Variants in RNF17 observed in about 807,000 individuals in gnomAD.
RNF17 encodes spermatogenesis associated 23.
A neutral mutation model predicts 200.5 loss-of-function variants in RNF17; 31 were observed. The ratio of observed to expected loss-of-function variants is 0.15; its 90% CI spans 0.12 to 0.21. The LOEUF is 0.21. Among genes scored for constraint, RNF17 ranks in the 10% least tolerant of loss-of-function variants. RNF17 has a pLI of 1.00. For missense variants in RNF17, 1,628 were observed against 1,905.1 expected (o/e 0.85, Z 2.71); for synonymous variants, 606 against 637.8 (o/e 0.95, Z 0.75).
chr13:24,757,438 C>G, the RNF17 span, among the ~76,000 whole-genome samples: 1 of 152,026 alleles, frequency 6.6e-6, no homozygotes, highest in East Asian at 1.9e-4. Flanking sequence ...AGTCTCCTGC[C>G]TCAGCCTCCT....
At chr13:24,814,266 A>G (rs1887129143) in intron 15 of RNF17, among the ~76,000 whole-genome samples, 1 of 152,202 alleles carries the variant, frequency 6.6e-6, no homozygotes, top group African/African-American at 2.4e-5. Context: ...AAATTTGCAC[A>G]TAATTGGAAC....
At chr13:24,768,370 C>T (rs924534264) in intron 2 of RNF17, among the ~76,000 whole-genome samples, 5 of 151,092 alleles carry the variant, frequency 3.3e-5, no homozygotes, top group African/African-American at 1.2e-4. Context: ...CTGCAACCTC[C>T]GCCTCCCAGG....
At chr13:24,763,204 C>CT (rs11329776), upstream of RNF17, among the ~76,000 whole-genome samples, 2,212 of 129,144 alleles carry the variant, frequency 0.017, 63 homozygotes, top group African/African-American at 0.053. Context: ...TGCTTCAACT[C>CT]TTTTTTTTTT....
chr13:24,827,688 C>T lies in RNF17; in HGVS notation c.2245+1916C>T, dbSNP rs1042324351. ...CTGCACTCCAGCCTGGGCGACAGAG[C>T]GAGACTCCGTCTCAAAAAAAAAAAA... On this transcript the variant is annotated intron_variant, in intron 16 of 35. Coordinates refer to ENST00000255324, the MANE Select transcript of RNF17 (RefSeq NM_031277.3). Among the ~76,000 whole-genome samples the T allele has an allele frequency of 5.0e-4, 46 of 92,244 alleles. 1 individual carries two copies. Among genetic ancestry groups the T allele is most frequent in the Non-Finnish European group, 7.3e-4 (39 of 53,074 alleles). 60.5% of individuals were successfully genotyped at this position (92,244 alleles called of 152,430 possible).
intron 18 of RNF17, among the ~76,000 whole-genome samples, chr13:24,839,957 G>C (rs1890431465): frequency 6.6e-6 from 1 of 152,102 alleles, no homozygotes; most frequent in South Asian, 2.1e-4. Context: ...CCCACAGAGT[G>C]GGAGAAAATC....
intron 13 of RNF17, among the ~76,000 whole-genome samples, chr13:24,801,007 T>C (rs1342010808): frequency 1.3e-5 from 2 of 152,234 alleles, no homozygotes; most frequent in East Asian, 1.9e-4. Context: ...ACAAGGTCTA[T>C]GAGAGCAGAG....
chr13:24,865,639 G>A (rs1373263416), intron 29 of RNF17, among the ~76,000 whole-genome samples: 1 of 152,012 alleles, frequency 6.6e-6, no homozygotes, highest in Non-Finnish European at 1.5e-5. Context: ...ATTCATTTTG[G>A]TGGTAGTACA....
intron 30 of RNF17, among the ~76,000 whole-genome samples, chr13:24,867,869 G>A (rs937174511): frequency 6.7e-6 from 1 of 150,092 alleles, no homozygotes. Context: ...AGCATTTCAT[G>A]CATTATTTTA....
At chr13:24,761,041 G>C (rs1349279375), upstream of RNF17, among the ~76,000 whole-genome samples, 1 of 152,148 alleles carries the variant, frequency 6.6e-6, no homozygotes, top group Non-Finnish European at 1.5e-5. Context: ...AATTAGTACA[G>C]CCATTATGGG....
chr13:24,857,050 G>A (rs1892591214), intron 25 of RNF17, among the ~76,000 whole-genome samples: 1 of 152,152 alleles, frequency 6.6e-6, no homozygotes, highest in Non-Finnish European at 1.5e-5. Context: ...GAAAATACTG[G>A]TAGACCTTTT....
At chr13:24,828,531 C>G (rs1889007996) in intron 16 of RNF17, among the ~76,000 whole-genome samples, 1 of 151,176 alleles carries the variant, frequency 6.6e-6, no homozygotes, top group Admixed American at 6.6e-5. Context: ...GTTGACACTT[C>G]AGTTTTAGAT....
At chr13:24,823,455 T>A (rs1333737172) in intron 15 of RNF17, among the ~76,000 whole-genome samples, 1 of 152,214 alleles carries the variant, frequency 6.6e-6, no homozygotes, top group Non-Finnish European at 1.5e-5. Context: ...TTGTCATGTA[T>A]GATCACTGAA....
chr13:24,885,391 A>G, the RNF17 span: 1 of 1,590,786 alleles, frequency 6.3e-7, no homozygotes, highest in Non-Finnish European at 8.6e-7. Context: ...GGCAGCCTGT[A>G]AGCACAACAC....
At chr13:24,801,262 A>G (rs1885212634) in intron 13 of RNF17, among the ~76,000 whole-genome samples, 1 of 152,136 alleles carries the variant, frequency 6.6e-6, no homozygotes, top group Admixed American at 6.5e-5. Context: ...TCAGAAAGCT[A>G]TTCTCTTTTT....
intron 1 of RNF17, among the ~76,000 whole-genome samples, chr13:24,764,885 T>G (rs1170318529): frequency 2.0e-5 from 2 of 99,600 alleles, no homozygotes; most frequent in African/African-American, 8.7e-5. Context: ...GTGCACCTTG[T>G]GGGGTGTGTG....
chr13:24,876,919 T>C, intron 33 of RNF17, 78 bp from the exon 34 acceptor site: 1 of 1,180,274 alleles, frequency 8.5e-7, no homozygotes, highest in Non-Finnish European at 1.2e-6. Context: ...TATGAAGCGT[T>C]TCCCCTATGT....
chr13:24,849,567 C>T (rs1178760909), intron 22 of RNF17, among the ~76,000 whole-genome samples: 1 of 152,210 alleles, frequency 6.6e-6, no homozygotes, highest in Non-Finnish European at 1.5e-5. Flanking sequence ...TGCAGTCACT[C>T]AGTTTCAACT....
At chr13:24,883,826 G>T, downstream of RNF17, 1 of 916,958 alleles carries the variant, frequency 1.1e-6, no homozygotes, top group Non-Finnish European at 1.8e-6. Flanking sequence ...TGACATGCCT[G>T]TGGGACATTC....
downstream of RNF17, chr13:24,883,123 C>T: frequency 7.0e-7 from 1 of 1,427,756 alleles, no homozygotes; most frequent in Non-Finnish European, 9.9e-7. Flanking sequence ...AGTAAATGTA[C>T]ATTTTTTAAC....
Sources: gnomAD v4.1 joint callset for allele counts (sites outside exome capture counted in the v4.1 genomes callset) on GRCh38, gnomAD v4.1.1 for gene constraint, MANE v1.5 for transcripts, NCBI Gene and HGNC (gene_info 2026-07-23, HGNC 2026-07-21) for gene names.